The following ABL1 variants were observed in gnomAD, a reference collection of about 807,000 sequenced individuals.
The protein encoded by ABL1 is tyrosine-protein kinase ABL1.
ABL1 carries 11 observed loss-of-function variants against 94.7 expected under a neutral mutation model. That is an observed-to-expected ratio of 0.12 (90% confidence interval 0.07 to 0.19). ABL1 has a LOEUF of 0.19. Ranked by LOEUF, ABL1 falls within the 10% of genes least tolerant of loss-of-function variation. The probability of loss-of-function intolerance (pLI) is 1.00; values close to 1 mark genes in which losing one functional copy is unlikely to be tolerated. For synonymous variants in ABL1, 656 were observed against 622.4 expected (o/e 1.05, Z -0.80); for missense variants, 1,082 against 1,489.4 (o/e 0.73, Z 4.50).
At position 130,887,179 on chromosome 9, in the gene ABL1, G is replaced by A. The variant is rs1831600646; in HGVS notation, c.*1496G>A. 1.3e-5 allele frequency: 3 copies of A among 233,006 alleles called. No homozygotes were observed. Among genetic ancestry groups the A allele is most frequent in the Middle Eastern group, 1.2e-3 (1 of 808 alleles). The allele number at this position is 233,006 out of a possible 1,614,324, so 14.4% of individuals were successfully genotyped here. A position where few individuals can be genotyped will look rare whatever the true frequency, so the allele number is the denominator to read the frequency against. On this transcript the variant is annotated 3_prime_UTR_variant, in exon 11 of 11. Coordinates refer to ENST00000318560, the MANE Select transcript of ABL1 (RefSeq NM_005157.6). ...AGCCACCTTCCCACCCCTTCATACC[G>A]CCTCGTGCCAGCAGCCTCGCACAGG...
chr9:130,717,523 T>C (rs1831457955), intron 1 of ABL1, among the ~76,000 whole-genome samples: 1 of 149,198 alleles, frequency 6.7e-6, no homozygotes, highest in African/African-American at 2.5e-5. Context: ...TGCAATCTAG[T>C]GAGATCTTAC....
intron 1 of ABL1, among the ~76,000 whole-genome samples, chr9:130,829,001 C>G (rs567080215): frequency 1.3e-5 from 2 of 151,554 alleles, no homozygotes. Flanking sequence ...TAAAAGTTTC[C>G]AAAGAGAAAA....
chr9:130,868,880 T>TA (rs1465737106), intron 4 of ABL1, among the ~76,000 whole-genome samples: 36 of 152,020 alleles, frequency 2.4e-4, no homozygotes, highest in Non-Finnish European at 4.1e-4. Flanking sequence ...AGAAAATACC[T>TA]ATGAGGGCCG....
intron 4 of ABL1, among the ~76,000 whole-genome samples, chr9:130,869,819 G>T (rs1477690998): frequency 6.6e-6 from 1 of 152,100 alleles, no homozygotes; most frequent in Non-Finnish European, 1.5e-5. Flanking sequence ...CTGTTTTGTT[G>T]TTGTTGTTTT....
At chr9:130,821,942 C>G (rs1240494358) in intron 1 of ABL1, among the ~76,000 whole-genome samples, 2 of 151,626 alleles carry the variant, frequency 1.3e-5, no homozygotes, top group African/African-American at 4.9e-5. Flanking sequence ...CGGGTTCATG[C>G]CATTCTCCCG....
chr9:130,881,117 TG>T (rs1254138983), intron 10 of ABL1, among the ~76,000 whole-genome samples: 1 of 152,182 alleles, frequency 6.6e-6, no homozygotes, highest in Non-Finnish European at 1.5e-5. Context: ...TGGTGGTCTC[TG>T]GGAAGAGCAT....
At position 130,877,091 on chromosome 9, in the gene ABL1, A is replaced by G. The variant is rs1428164596; in HGVS notation, c.1271-1324A>G. On this transcript the variant is annotated intron_variant, in intron 7 of 10. Coordinates refer to ENST00000318560, the MANE Select transcript of ABL1 (RefSeq NM_005157.6). ...ATTATGAACTCTCAGATTTATATAT[A>G]TCTGATGTGTTTCAGTCCACTGCGG... is the stretch of plus-strand genomic sequence containing the variant. Among the ~76,000 whole-genome samples, 8 of 148,014 alleles carry G rather than the reference A, an allele frequency of 5.4e-5. 2 individuals are homozygous for G. Among genetic ancestry groups the G allele is most frequent in the African/African-American group, 2.1e-4 (8 of 38,674 alleles).
rs116952337 is a variant in ABL1, at chr9:130,735,355, A to G, written c.136+20900A>G. ...TAAATTGAACACTTTTGAATAGATA[A>G]TACATTTTCTAATTTAAACTACAAA... On this transcript the variant is annotated intron_variant, in intron 1 of 10. Coordinates refer to the ABL1 transcript ENST00000372348. Among the ~76,000 whole-genome samples the G allele has an allele frequency of 4.1e-4, 63 of 152,228 alleles. No homozygotes were observed. In the East Asian group the frequency reaches 9.5e-3, roughly 23 times the overall value.
chr9:130,733,857 T>C (rs899906924), intron 1 of ABL1, among the ~76,000 whole-genome samples: 1 of 152,152 alleles, frequency 6.6e-6, no homozygotes, highest in Non-Finnish European at 1.5e-5. Context: ...CCCAAAGTGC[T>C]GGGGTTACAG....
intron 1 of ABL1, among the ~76,000 whole-genome samples, chr9:130,820,062 C>T (rs1830339839): frequency 6.6e-6 from 1 of 152,036 alleles, no homozygotes; most frequent in Non-Finnish European, 1.5e-5. Flanking sequence ...AAGTTTCACA[C>T]TCATGAAATA....
chr9:130,802,577 C>G (rs574977782), intron 1 of ABL1, among the ~76,000 whole-genome samples: 1 of 152,068 alleles, frequency 6.6e-6, no homozygotes, highest in South Asian at 2.1e-4. Flanking sequence ...CCTATTTCCC[C>G]CATTGAGATT....
chr9:130,721,441 G>T (rs1047167568), intron 1 of ABL1, among the ~76,000 whole-genome samples: 2 of 151,236 alleles, frequency 1.3e-5, no homozygotes, highest in Non-Finnish European at 3.0e-5. Context: ...AGGTGCGGTG[G>T]CTCATGCCTG....
chr9:130,861,768 G>A (rs951711204), intron 3 of ABL1, among the ~76,000 whole-genome samples: 2 of 152,218 alleles, frequency 1.3e-5, no homozygotes, highest in Admixed American at 6.5e-5. Context: ...GAGCAAGCCA[G>A]TAGATTCAGT....
At chr9:130,746,855 A>G (rs1831894894) in intron 1 of ABL1, among the ~76,000 whole-genome samples, 1 of 152,112 alleles carries the variant, frequency 6.6e-6, no homozygotes, top group Non-Finnish European at 1.5e-5. Flanking sequence ...ACAACAGAAA[A>G]TTATTCTTCC....
intron 3 of ABL1, among the ~76,000 whole-genome samples, chr9:130,860,255 C>A (rs1831050936): frequency 6.6e-6 from 1 of 152,090 alleles, no homozygotes; most frequent in Non-Finnish European, 1.5e-5. Context: ...TGGCTGTGAA[C>A]CAAATATGCG....
At chr9:130,784,114 T>TA (rs35005214) in intron 1 of ABL1, among the ~76,000 whole-genome samples, 45,652 of 151,960 alleles carry the variant, frequency 0.3, 7,105 homozygotes, top group African/African-American at 0.35. Context: ...TTCTCATTTT[T>TA]AAAAAAAATC....
chr9:130,744,725 T>C (rs1472190084), intron 1 of ABL1, among the ~76,000 whole-genome samples: 20 of 149,966 alleles, frequency 1.3e-4, no homozygotes, highest in East Asian at 1.2e-3. Context: ...AGCGTAGTGG[T>C]GGGCGCCTGT....
chr9:130,808,777 T>C (rs1830165462), intron 1 of ABL1, among the ~76,000 whole-genome samples: 1 of 152,184 alleles, frequency 6.6e-6, no homozygotes, highest in African/African-American at 2.4e-5. Flanking sequence ...ATCTAACAGG[T>C]CAAAACTGAA....
intron 1 of ABL1, among the ~76,000 whole-genome samples, chr9:130,750,194 T>C (rs1490641884): frequency 1.7e-4 from 1 of 5,726 alleles, no homozygotes; most frequent in African/African-American, 2.1e-3. Flanking sequence ...AAAAAATACA[T>C]ATATATATAT....
Sources: gnomAD v4.1 joint callset for allele counts (sites outside exome capture counted in the v4.1 genomes callset) on GRCh38, gnomAD v4.1.1 for gene constraint, MANE v1.5 for transcripts, NCBI Gene and HGNC (gene_info 2026-07-23, HGNC 2026-07-21) for gene names.